Variants in FHOD3 observed in about 807,000 individuals in gnomAD.
FHOD3 encodes the protein formin homology 2 domain containing 3, also known as FH1/FH2 domain-containing protein 3.
In FHOD3, 90 loss-of-function variants were observed where a neutral mutation model predicts 173.0. The observed-to-expected ratio is 0.52, with a 90% CI of 0.44 to 0.62. FHOD3 has a LOEUF of 0.62. Among genes scored for constraint, FHOD3 ranks in the 20% least tolerant of loss-of-function variants. The pLI is 0.00. For missense variants in FHOD3, 1,945 were observed against 2,034.7 expected, an observed-to-expected ratio of 0.96 and a Z score of 0.85; for synonymous variants, 828 against 823.0, an observed-to-expected ratio of 1.01 and a Z score of -0.10.
At chr18:36,307,211 G>A (rs1400027838) in intron 1 of FHOD3, among the ~76,000 whole-genome samples, 11 of 152,012 alleles carry the variant, frequency 7.2e-5, no homozygotes, top group South Asian at 2.1e-4. Context: ...ATCTGCCCGC[G>A]TCAGCCTCCC....
chr18:36,737,098 C>G (rs183863062), intron 20 of FHOD3, among the ~76,000 whole-genome samples: 81 of 152,334 alleles, frequency 5.3e-4, no homozygotes, highest in African/African-American at 1.9e-3. Flanking sequence ...CTTCCACTGT[C>G]TTACAGCTAT....
At chr18:36,666,910 T>C (rs1184484027) in intron 14 of FHOD3, among the ~76,000 whole-genome samples, 3 of 152,212 alleles carry the variant, frequency 2.0e-5, no homozygotes, top group Non-Finnish European at 4.4e-5. Flanking sequence ...CTCTTTGTGA[T>C]TATTGCTGCC....
intron 26 of FHOD3, among the ~76,000 whole-genome samples, chr18:36,759,984 T>A (rs2042800714): frequency 1.3e-5 from 2 of 152,200 alleles, no homozygotes; most frequent in South Asian, 4.1e-4. Context: ...TCTTGTTCTG[T>A]TTTGGGCCCT....
intron 5 of FHOD3, among the ~76,000 whole-genome samples, chr18:36,527,110 C>T (rs1313440303): frequency 6.6e-6 from 1 of 152,190 alleles, no homozygotes; most frequent in African/African-American, 2.4e-5. Context: ...GGCCGGCTGG[C>T]TGTTCTTCTG....
intron 3 of FHOD3, among the ~76,000 whole-genome samples, chr18:36,437,682 T>TTTTTTTTTTTTTTTTTTTTTTTTA (rs71168224): frequency 1.5e-5 from 2 of 129,618 alleles, no homozygotes; most frequent in Admixed American, 8.2e-5. Context: ...TTTTTTTTTT[T>TTTTTTTTTTTTTTTTTTTTTTTTA]AAGACAGAGT....
chr18:36,501,970 G>T lies in FHOD3; in HGVS notation c.376G>T (p.Ala126Ser). Residue 126 changes from alanine (A) to serine (S), a missense_variant, in exon 4 of 29, where the codon GCC becomes TCC. Physicochemically the swap from Ala to Ser is moderately conservative, Grantham distance 99. Around this residue, in one of 5 missense-constraint regions of FHOD3, gnomAD observed 245 missense variants for 267.7 expected, o/e 0.92. Transcript: ENST00000590592. ...CTCCAGCGGACGAGATTTGAGAAGGGCCCTCTTCTCCCTGAAGCAGATATT... is the reference window on the plus strand; with the variant it reads ...CTCCAGCGGACGAGATTTGAGAAGGTCCCTCTTCTCCCTGAAGCAGATATT... The part of the protein sequence containing the change: ...YNSSGRDLRR[A>S]LFSLKQIFQD... 1 of 1,606,274 alleles carries T rather than the reference G, an allele frequency of 6.2e-7. No homozygotes were observed. Among genetic ancestry groups the T allele is most frequent in the Non-Finnish European group, 8.5e-7 (1 of 1,175,730 alleles).
At chr18:36,463,798 T>C (rs2052739930) in intron 3 of FHOD3, among the ~76,000 whole-genome samples, 1 of 152,196 alleles carries the variant, frequency 6.6e-6, no homozygotes, top group African/African-American at 2.4e-5. Flanking sequence ...CTGGCCCAAG[T>C]GCCAATTTAT....
chr18:36,357,130 A>G (rs546870674), intron 2 of FHOD3, among the ~76,000 whole-genome samples: 1 of 152,178 alleles, frequency 6.6e-6, no homozygotes, highest in African/African-American at 2.4e-5. Context: ...GGGAATTCTC[A>G]TTTTTCATGA....
At chr18:36,527,984 A>G (rs534960359) in intron 5 of FHOD3, among the ~76,000 whole-genome samples, 57 of 152,252 alleles carry the variant, frequency 3.7e-4, no homozygotes, top group Non-Finnish European at 7.5e-4. Flanking sequence ...CTTCCCTCAC[A>G]GAGTATCCAT....
intron 6 of FHOD3, among the ~76,000 whole-genome samples, chr18:36,584,260 T>C (rs1040615252): frequency 9.2e-5 from 14 of 152,214 alleles, no homozygotes; most frequent in African/African-American, 3.1e-4. Flanking sequence ...TTCAGGCTAC[T>C]TGGTTTTCCT....
intron 9 of FHOD3, among the ~76,000 whole-genome samples, chr18:36,621,155 T>C (rs2033675472): frequency 6.6e-6 from 1 of 152,226 alleles, no homozygotes; most frequent in Admixed American, 6.5e-5. Flanking sequence ...AAGAAAATAT[T>C]TTGTCAGATT....
At chr18:36,612,448 C>A (rs1190249278) in intron 9 of FHOD3, among the ~76,000 whole-genome samples, 2 of 152,104 alleles carry the variant, frequency 1.3e-5, no homozygotes, top group African/African-American at 4.8e-5. Context: ...TTTCTTATAC[C>A]TGAGTGGGGT....
chr18:36,617,610 T>TGTGTGTGTGCGTGC (rs1555783663), intron 9 of FHOD3, among the ~76,000 whole-genome samples: 1 of 146,006 alleles, frequency 6.8e-6, no homozygotes, highest in Admixed American at 6.9e-5. Flanking sequence ...TGTGTGTGTG[T>TGTGTGTGTGCGTGC]GTGTGTGTGC....
chr18:36,698,281 C>T (rs1157426231), intron 17 of FHOD3, among the ~76,000 whole-genome samples: 6 of 152,312 alleles, frequency 3.9e-5, no homozygotes, highest in South Asian at 4.1e-4. Flanking sequence ...TGCAAATCAT[C>T]GAGTTTTTCT....
chr18:36,610,831 T>C (rs1372967008), intron 8 of FHOD3, among the ~76,000 whole-genome samples: 2 of 152,208 alleles, frequency 1.3e-5, no homozygotes, highest in Admixed American at 6.5e-5. Context: ...GCAAAGATAG[T>C]GAAGTAAGTA....
chr18:36,330,660 A>G (rs2044946572), intron 1 of FHOD3, among the ~76,000 whole-genome samples: 1 of 152,170 alleles, frequency 6.6e-6, no homozygotes, highest in African/African-American at 2.4e-5. Context: ...GGCTGCTGCC[A>G]CCAGAGGTAG....
intron 4 of FHOD3, among the ~76,000 whole-genome samples, chr18:36,506,637 C>T (rs183216342): frequency 3.3e-5 from 5 of 152,240 alleles, no homozygotes; most frequent in African/African-American, 1.2e-4. Flanking sequence ...ATTGAAATAG[C>T]TAAAATGTTT....
At chr18:36,319,547 A>G (rs1443971413) in intron 1 of FHOD3, among the ~76,000 whole-genome samples, 2 of 152,214 alleles carry the variant, frequency 1.3e-5, no homozygotes, top group African/African-American at 4.8e-5. Flanking sequence ...GGGAGACTTT[A>G]ACACTCCACT....
At chr18:36,676,578 A>T (rs945368818) in intron 14 of FHOD3, among the ~76,000 whole-genome samples, 10 of 152,342 alleles carry the variant, frequency 6.6e-5, no homozygotes, top group Non-Finnish European at 1.5e-4. Flanking sequence ...TAGGATATAT[A>T]CATCTTCAAA....
Sources: allele counts gnomAD v4.1 joint callset (sites outside exome capture counted in the v4.1 genomes callset), GRCh38; gene constraint gnomAD v4.1.1; regional missense constraint gnomAD v4.1.1; transcripts MANE v1.5; gene names NCBI Gene and HGNC (gene_info 2026-07-23, HGNC 2026-07-21).